Variants in GALNTL5 observed in about 807,000 individuals in gnomAD.
GALNTL5 encodes the protein polypeptide N-acetylgalactosaminyltransferase like 5.
In GALNTL5, 44 loss-of-function variants were observed where a neutral mutation model predicts 51.0. The ratio of observed to expected loss-of-function variants is 0.86; its 90% CI spans 0.68 to 1.11. The LOEUF is 1.11. GALNTL5 is among the 50% of genes least tolerant of loss of function. The probability of loss-of-function intolerance (pLI) is 0.00; values close to 1 mark genes in which losing one functional copy is unlikely to be tolerated. For missense variants in GALNTL5, 528 were observed against 531.8 expected (o/e 0.99, Z 0.07); for synonymous variants, 192 against 182.8 (o/e 1.05, Z -0.41).
intron 2 of GALNTL5, 85 bp downstream of exon 2, chr7:151,967,578 C>A: frequency 1.7e-6 from 2 of 1,179,070 alleles, no homozygotes; most frequent in Non-Finnish European, 1.2e-6. Flanking sequence ...ACGAGACTAT[C>A]CTTTTTAAAG....
intron 4 of GALNTL5, among the ~76,000 whole-genome samples, chr7:151,985,533 C>T (rs963277157): frequency 3.3e-5 from 5 of 152,112 alleles, no homozygotes; most frequent in South Asian, 2.1e-4. Context: ...TAGGTATGGC[C>T]GATAGACTCC....
intron 5 of GALNTL5, among the ~76,000 whole-genome samples, chr7:151,993,089 C>T (rs1198441716): frequency 6.6e-6 from 1 of 152,034 alleles, no homozygotes; most frequent in Non-Finnish European, 1.5e-5. Context: ...AATACAAAAA[C>T]TAGCCAGGTA....
intron 1 of GALNTL5, among the ~76,000 whole-genome samples, chr7:151,957,592 G>A (rs1002091183): frequency 1.3e-5 from 2 of 151,384 alleles, no homozygotes; most frequent in African/African-American, 4.9e-5. Flanking sequence ...GAAACTCAAT[G>A]ACTGTAAATG....
At chr7:152,000,437 C>T (rs1209955342) in intron 5 of GALNTL5, among the ~76,000 whole-genome samples, 3 of 152,312 alleles carry the variant, frequency 2.0e-5, no homozygotes, top group South Asian at 2.1e-4. Flanking sequence ...CTATTGCCAG[C>T]CACACACCCT....
At chr7:151,997,749 C>T (rs1363191830) in intron 5 of GALNTL5, among the ~76,000 whole-genome samples, 1 of 152,040 alleles carries the variant, frequency 6.6e-6, no homozygotes, top group Non-Finnish European at 1.5e-5. Context: ...TAAAGAGATA[C>T]CACAAATCTG....
intron 5 of GALNTL5, among the ~76,000 whole-genome samples, chr7:151,993,083 CA>C (rs1238981234): frequency 6.6e-6 from 1 of 152,010 alleles, no homozygotes; most frequent in Non-Finnish European, 1.5e-5. Flanking sequence ...ACTAAAAATA[CA>C]AAAACTAGCC....
chr7:151,956,502 A>G lies in GALNTL5; in HGVS notation c.-147A>G, dbSNP rs577678794. 1 of 152,364 alleles carries G rather than the reference A, an allele frequency of 6.6e-6. No individual in the cohort carries two copies. The highest frequency in any genetic ancestry group is 2.4e-5 in the African/African-American group (1 of 41,576). The allele number at this position is 152,364 out of a possible 1,614,324, so 9.4% of individuals were successfully genotyped here. ...CACCATAAAGCCTGCTAGCTAAAAA[A>G]AATTTTACATCTCTCAGTTCATTCG... On this transcript the variant is annotated 5_prime_UTR_variant, in exon 1 of 9. Coordinates refer to ENST00000392800, the MANE Select transcript of GALNTL5 (RefSeq NM_145292.4).
intron 2 of GALNTL5, among the ~76,000 whole-genome samples, chr7:151,969,462 G>A (rs2081100929): frequency 6.6e-6 from 1 of 152,186 alleles, no homozygotes; most frequent in Non-Finnish European, 1.5e-5. Flanking sequence ...GTCAAAGTGA[G>A]ACTTTTAATG....
intron 5 of GALNTL5, among the ~76,000 whole-genome samples, chr7:151,993,696 T>C (rs998767140): frequency 1.1e-4 from 16 of 152,240 alleles, no homozygotes; most frequent in African/African-American, 3.9e-4. Context: ...CGAAGCTCAC[T>C]GCAGCCTCGA....
chr7:152,001,368 T>G lies in GALNTL5; in HGVS notation c.659-1346T>G, dbSNP rs371975818. ...ACCTAAGGTCATAAATATATGCTTA[T>G]GTTTCCTTCTGAGTTTTATAATTTT... On this transcript the variant is annotated intron_variant, in intron 5 of 8. Coordinates refer to ENST00000392800, the MANE Select transcript of GALNTL5 (RefSeq NM_145292.4). Among the ~76,000 whole-genome samples the G allele has an allele frequency of 5.3e-5, 8 of 152,306 alleles. No individual in the cohort carries two copies. The East Asian group carries it at 1.3e-3, about 26-fold the overall frequency.
intron 3 of GALNTL5, among the ~76,000 whole-genome samples, chr7:151,981,567 TTCCTTCCTTCCTTCCTTCCTTCCC>T (rs1219119768): frequency 0.12 from 4,330 of 36,032 alleles, 102 homozygotes; most frequent in African/African-American, 0.14. Context: ...CCTTCCTTCC[TTCCTTCCTTCCTTCCTTCCTTCCC>T]TCCTTCCTTC....
chr7:152,004,866 T>C (rs2081624723), intron 6 of GALNTL5, among the ~76,000 whole-genome samples: 1 of 152,222 alleles, frequency 6.6e-6, no homozygotes, highest in Non-Finnish European at 1.5e-5. Flanking sequence ...AGGGACACTT[T>C]AGTTGATCCC....
intron 8 of GALNTL5, among the ~76,000 whole-genome samples, chr7:152,017,267 T>G (rs1373192430): frequency 6.6e-6 from 1 of 152,210 alleles, no homozygotes; most frequent in Non-Finnish European, 1.5e-5. Context: ...GTATGGCATG[T>G]GACTCTACTG....
intron 8 of GALNTL5, among the ~76,000 whole-genome samples, chr7:152,018,596 G>T (rs1397942322): frequency 6.6e-6 from 1 of 152,112 alleles, no homozygotes; most frequent in Non-Finnish European, 1.5e-5. Context: ...AAAATCAATG[G>T]ATTGCATAAT....
intron 6 of GALNTL5, among the ~76,000 whole-genome samples, chr7:152,005,223 TAAC>T (rs66796056): frequency 0.36 from 55,141 of 151,314 alleles, 10,442 homozygotes; most frequent in Middle Eastern, 0.43. Context: ...TTGGAAAACT[TAAC>T]ACACACACAC....
intron 5 of GALNTL5, among the ~76,000 whole-genome samples, chr7:151,991,606 T>A (rs1249723773): frequency 6.6e-6 from 1 of 152,218 alleles, no homozygotes; most frequent in Non-Finnish European, 1.5e-5. Context: ...TTATCAAATG[T>A]CTATGTATTC....
chr7:152,000,725 G>A lies in GALNTL5; in HGVS notation c.659-1989G>A, dbSNP rs111440624. On this transcript the variant is annotated intron_variant, in intron 5 of 8. Coordinates refer to ENST00000392800, the MANE Select transcript of GALNTL5 (RefSeq NM_145292.4). ...TCAGCCATTTATACGTCTTTGCAAAGATGTCTATTCAAATCTCTTGCGCAT... is the reference window on the plus strand; with the variant it reads ...TCAGCCATTTATACGTCTTTGCAAAAATGTCTATTCAAATCTCTTGCGCAT... 9.6e-3 allele frequency among the ~76,000 whole-genome samples: 1,466 copies of A among 152,200 alleles called. 22 individuals carry two copies. The highest frequency in any genetic ancestry group is 0.033 in the African/African-American group (1,370 of 41,512).
intron 5 of GALNTL5, among the ~76,000 whole-genome samples, chr7:151,999,723 G>T (rs927041866): frequency 2.6e-5 from 4 of 152,066 alleles, no homozygotes; most frequent in Non-Finnish European, 5.9e-5. Flanking sequence ...ATAATGTTAC[G>T]TAATATTATA....
At chr7:151,990,328 G>A (rs1586832799) in intron 5 of GALNTL5, among the ~76,000 whole-genome samples, 1 of 151,956 alleles carries the variant, frequency 6.6e-6, no homozygotes, top group East Asian at 1.9e-4. Flanking sequence ...ACAGGCATGA[G>A]CCATTGTGCC....
Sources: allele counts gnomAD v4.1 joint callset (sites outside exome capture counted in the v4.1 genomes callset), GRCh38; gene constraint gnomAD v4.1.1; transcripts MANE v1.5; gene names NCBI Gene and HGNC (gene_info 2026-07-23, HGNC 2026-07-21).